Variants in COBLL1 observed in about 807,000 individuals in gnomAD.
COBLL1 encodes cordon-bleu WH2 repeat protein like 1.
In COBLL1, 50 loss-of-function variants were observed where a neutral mutation model predicts 94.8. That is an observed-to-expected ratio of 0.53 (90% CI 0.42 to 0.67). The LOEUF is 0.67. COBLL1 is among the 30% of genes least tolerant of loss of function. The pLI is 0.00. For missense variants in COBLL1, 1,362 were observed against 1,348.7 expected (o/e 1.01, Z -0.15); for synonymous variants, 448 against 473.8 (o/e 0.95, Z 0.71).
chr2:164,828,363 G>A (rs984735709), intron 2 of COBLL1, among the ~76,000 whole-genome samples: 9 of 152,056 alleles, frequency 5.9e-5, no homozygotes, highest in African/African-American at 2.2e-4. Context: ...CTGCATAAAG[G>A]TTATTAAAAT....
chr2:164,697,086 T>A (rs911674322), intron 11 of COBLL1: 4 of 152,154 alleles, frequency 2.6e-5, no homozygotes, highest in Non-Finnish European at 5.9e-5. Context: ...AAGATATGCA[T>A]GCAGAAAAAT....
intron 2 of COBLL1, among the ~76,000 whole-genome samples, chr2:164,781,865 CA>C (rs1412484686): frequency 2.6e-5 from 4 of 152,126 alleles, no homozygotes; most frequent in African/African-American, 9.7e-5. Flanking sequence ...AAAAGTATAA[CA>C]AGGTATTCAA....
intron 7 of COBLL1, chr2:164,705,433 G>T: frequency 5.5e-6 from 1 of 183,430 alleles, no homozygotes. Flanking sequence ...AAAAGGAAGG[G>T]ATGAAAAAGG....
chr2:164,736,199 T>A (rs1444982407), intron 3 of COBLL1, among the ~76,000 whole-genome samples: 1 of 152,176 alleles, frequency 6.6e-6, no homozygotes, highest in Non-Finnish European at 1.5e-5. Context: ...CAATTACACA[T>A]ACCAGTAATA....
intron 2 of COBLL1, among the ~76,000 whole-genome samples, chr2:164,820,922 C>G (rs751271007): frequency 1.6e-4 from 25 of 152,168 alleles, no homozygotes; most frequent in Admixed American, 5.9e-4. Context: ...GAGTCTTGCT[C>G]TGTCGCCCAG....
intron 2 of COBLL1, among the ~76,000 whole-genome samples, chr2:164,782,058 T>C (rs997302329): frequency 6.6e-6 from 1 of 152,188 alleles, no homozygotes; most frequent in East Asian, 1.9e-4. Context: ...ACTTAGGACA[T>C]TTTTTATCCA....
chr2:164,823,505 A>G lies in COBLL1; in HGVS notation c.41+17651T>C, dbSNP rs533958140. Among the ~76,000 whole-genome samples, 8 of 152,286 alleles carry G rather than the reference A, an allele frequency of 5.3e-5. No individual in the cohort carries two copies. In the East Asian group the frequency reaches 1.5e-3, roughly 29 times the overall value. ...ACCTCTTACCCTCCTTCACCGCAGC[A>G]AAGATTAATAACCAGAACTCCTCAT... On this transcript the variant is annotated intron_variant, in intron 2 of 13. Transcript: ENST00000652658.
At chr2:164,768,341 C>T (rs1688039062) in intron 2 of COBLL1, among the ~76,000 whole-genome samples, 1 of 152,116 alleles carries the variant, frequency 6.6e-6, no homozygotes, top group Non-Finnish European at 1.5e-5. Context: ...CTGTGGCCTG[C>T]AGGCCACATG....
intron 2 of COBLL1, among the ~76,000 whole-genome samples, chr2:164,771,609 C>G (rs1419753204): frequency 6.6e-6 from 1 of 151,904 alleles, no homozygotes; most frequent in African/African-American, 2.4e-5. Context: ...AGTTAAAAAA[C>G]AAAAATGGGT....
At chr2:164,670,451 T>C (rs1289952183) in intron 1 of COBLL1, among the ~76,000 whole-genome samples, 1 of 152,226 alleles carries the variant, frequency 6.6e-6, no homozygotes, top group Non-Finnish European at 1.5e-5. Context: ...CATTTCTAGC[T>C]AACAATGAAT....
At position 164,695,469 on chromosome 2, in the gene COBLL1, T is replaced by C. The variant is rs748666097; in HGVS notation, c.1923A>G (p.Gln641=). Residue 641 remains glutamine (Q), a synonymous_variant, in exon 12 of 14, where the codon CAA becomes CAG. Coordinates refer to ENST00000652658, the MANE Select transcript of COBLL1 (RefSeq NM_001365672.2). ...VQTSNNNIST[Q]HSCLSSQDSV... is the part of the protein sequence containing the mutation. ...AATCTTGTGAACTTAAGCATGAGTG[T>C]TGAGTTGATATGTTGTTATTTGAAG... The C allele has an allele frequency of 6.8e-6, 11 of 1,613,938 alleles. No individual in the cohort carries two copies. Among genetic ancestry groups the C allele is most frequent in the Non-Finnish European group, 8.5e-6 (10 of 1,179,912 alleles).
At chr2:164,687,310 C>T in intron 13 of COBLL1, 1 of 640,134 alleles carries the variant, frequency 1.6e-6, no homozygotes, top group Non-Finnish European at 2.8e-6. Context: ...CGGCACTTGT[C>T]CACAGGGCCA....
intron 2 of COBLL1, among the ~76,000 whole-genome samples, chr2:164,814,122 A>G (rs1314178781): frequency 2.0e-5 from 3 of 152,190 alleles, no homozygotes; most frequent in Admixed American, 6.5e-5. Context: ...TAATTTAAAT[A>G]GATGAATCAG....
rs557120578 is a variant in COBLL1, at chr2:164,819,157, G to T, written c.41+21999C>A. Among the ~76,000 whole-genome samples the T allele has an allele frequency of 2.4e-4, 37 of 151,912 alleles. No homozygotes were observed. In the South Asian group the frequency reaches 7.5e-3, roughly 31 times the overall value. On this transcript the variant is annotated intron_variant, in intron 2 of 13. Transcript: ENST00000652658. The stretch of plus-strand genomic sequence containing the variant: ...TGTAAGCATTTCCTTCCAAGAAAAG[G>T]GAAAATAAACAGAATTGTCTCTATA...
chr2:164,742,926 T>C (rs563306135), intron 3 of COBLL1, among the ~76,000 whole-genome samples: 59 of 152,214 alleles, frequency 3.9e-4, no homozygotes, highest in African/African-American at 1.4e-3. Flanking sequence ...GGATTCCTGA[T>C]AACAAATAGG....
At chr2:164,721,903 C>A (rs928839511) in intron 7 of COBLL1, 172 bp downstream of exon 7, 3 of 460,970 alleles carry the variant, frequency 6.5e-6, no homozygotes, top group Non-Finnish European at 7.7e-6. Flanking sequence ...ATTCCTAGTA[C>A]CAATCTTAGA....
rs763975695 is a variant in COBLL1 at position 164,773,799 on chromosome 2, C to G, written c.42-29924G>C. The stretch of plus-strand genomic sequence containing the variant: ...ACCAACTGTCCTGCTCTGTTACTAA[C>G]TCAACTGTTTATCATGTATGTGTAA... On this transcript the variant is annotated intron_variant, in intron 2 of 13. Transcript: ENST00000652658. 3.2e-6 allele frequency: 4 copies of G among 1,253,460 alleles called. No individual in the cohort carries two copies. In the African/African-American group the frequency reaches 4.7e-5, roughly 15 times the overall value. The allele number at this position is 1,253,460 out of a possible 1,614,324, so 77.6% of individuals were successfully genotyped here. A position where few individuals can be genotyped will look rare whatever the true frequency, so the allele number is the denominator to read the frequency against.
intron 3 of COBLL1, among the ~76,000 whole-genome samples, chr2:164,734,995 T>C (rs2219120): frequency 0.41 from 61,933 of 151,954 alleles, 12,701 homozygotes; most frequent in Middle Eastern, 0.46. Context: ...AATGAGATTA[T>C]AAAGGGCATT....
chr2:164,756,099 G>GAC (rs1305115746), intron 2 of COBLL1, among the ~76,000 whole-genome samples: 1 of 151,968 alleles, frequency 6.6e-6, no homozygotes, highest in East Asian at 1.9e-4. Context: ...GGGAGAGAGA[G>GAC]AGAGAGAGCA....
Sources: allele counts gnomAD v4.1 joint callset (sites outside exome capture counted in the v4.1 genomes callset), GRCh38; gene constraint gnomAD v4.1.1; transcripts MANE v1.5; gene names NCBI Gene and HGNC (gene_info 2026-07-23, HGNC 2026-07-21).